The following FHIT variants were observed in gnomAD, a reference collection of about 807,000 sequenced individuals.
FHIT encodes fragile histidine triad diadenosine triphosphatase, also known as bis(5'-adenosyl)-triphosphatase.
FHIT carries 19 observed loss-of-function variants against 17.9 expected under a neutral mutation model. The ratio of observed to expected loss-of-function variants is 1.06; its 90% CI spans 0.74 to 1.56. The LOEUF (loss-of-function observed/expected upper bound fraction) is 1.56. Ranked by LOEUF, FHIT falls within the 40% of genes most tolerant of loss-of-function variation. The pLI, the probability that FHIT is intolerant of heterozygous loss-of-function variation, is 0.00. For synonymous variants in FHIT, 81 were observed against 69.7 expected (o/e 1.16, Z -0.81); for missense variants, 248 against 189.2 (o/e 1.31, Z -1.82).
chr3:59,817,948 G>A (rs1453230857), intron 8 of FHIT, among the ~76,000 whole-genome samples: 1 of 152,066 alleles, frequency 6.6e-6, no homozygotes, highest in African/African-American at 2.4e-5. Flanking sequence ...AAGGACGAGA[G>A]GCTGGGGGGA....
At chr3:60,559,232 G>A (rs1559539078) in intron 4 of FHIT, among the ~76,000 whole-genome samples, 1 of 152,238 alleles carries the variant, frequency 6.6e-6, no homozygotes, top group African/African-American at 2.4e-5. Context: ...ATTAATATAA[G>A]ACAAAATAAA....
At chr3:61,068,469 A>G (rs1335946625) in intron 2 of FHIT, among the ~76,000 whole-genome samples, 1 of 152,108 alleles carries the variant, frequency 6.6e-6, no homozygotes, top group Non-Finnish European at 1.5e-5. Context: ...CTATCGCCAT[A>G]TCTTTCTGAT....
intron 5 of FHIT, among the ~76,000 whole-genome samples, chr3:60,160,247 T>G (rs1486772761): frequency 1.3e-5 from 2 of 152,048 alleles, no homozygotes; most frequent in African/African-American, 4.8e-5. Context: ...TGTTTTCCCC[T>G]AAAAATTAGA....
intron 4 of FHIT, among the ~76,000 whole-genome samples, chr3:60,652,341 C>G (rs1221501138): frequency 2.0e-4 from 31 of 152,138 alleles, no homozygotes; most frequent in Admixed American, 2.0e-3. Flanking sequence ...TAGTTCACGT[C>G]TGTAATCCCA....
At chr3:61,060,562 C>T (rs2034391352) in intron 2 of FHIT, among the ~76,000 whole-genome samples, 1 of 152,242 alleles carries the variant, frequency 6.6e-6, no homozygotes, top group South Asian at 2.1e-4. Context: ...GCCCTGTCAT[C>T]TGTGTGTACT....
chr3:60,549,050 T>G (rs762001980), intron 4 of FHIT, among the ~76,000 whole-genome samples: 3 of 152,178 alleles, frequency 2.0e-5, no homozygotes, highest in African/African-American at 4.8e-5. Context: ...ACTTAAATAT[T>G]TGATAAGTGC....
At chr3:61,029,531 G>C (rs1201495822) in intron 3 of FHIT, among the ~76,000 whole-genome samples, 1 of 152,100 alleles carries the variant, frequency 6.6e-6, no homozygotes, top group African/African-American at 2.4e-5. Context: ...CTTTGTGAGG[G>C]ACACATCTTC....
At chr3:60,982,468 A>G (rs1212326029) in intron 3 of FHIT, among the ~76,000 whole-genome samples, 1 of 152,256 alleles carries the variant, frequency 6.6e-6, no homozygotes, top group Non-Finnish European at 1.5e-5. Flanking sequence ...GAATATTGCC[A>G]GTCAATAGTA....
chr3:60,845,848 G>A (rs1025059652), intron 3 of FHIT, among the ~76,000 whole-genome samples: 2 of 152,272 alleles, frequency 1.3e-5, no homozygotes, highest in South Asian at 2.1e-4. Context: ...AAATTTATAT[G>A]AAAACATTGG....
chr3:60,500,323 T>C (rs1350530470), intron 5 of FHIT, among the ~76,000 whole-genome samples: 4 of 150,494 alleles, frequency 2.7e-5, no homozygotes, highest in Non-Finnish European at 5.9e-5. Flanking sequence ...TACTACACAG[T>C]ATATGTTCTC....
chr3:60,110,676 T>A (rs923117920), intron 5 of FHIT, among the ~76,000 whole-genome samples: 1 of 152,184 alleles, frequency 6.6e-6, no homozygotes, highest in Admixed American at 6.5e-5. Context: ...TGAAATAGAT[T>A]ATCTAAAATA....
intron 4 of FHIT, among the ~76,000 whole-genome samples, chr3:60,612,356 T>C (rs1038105006): frequency 1.3e-5 from 2 of 152,150 alleles, no homozygotes; most frequent in Non-Finnish European, 2.9e-5. Context: ...TATATATCTA[T>C]TATAGAAGCT....
At chr3:60,731,209 C>T (rs1056007573) in intron 4 of FHIT, among the ~76,000 whole-genome samples, 6 of 152,054 alleles carry the variant, frequency 3.9e-5, no homozygotes, top group Admixed American at 1.3e-4. Context: ...CTGAGTCATG[C>T]GTCATCAAAG....
At chr3:61,048,969 C>T (rs1452205803) in intron 2 of FHIT, among the ~76,000 whole-genome samples, 2 of 151,784 alleles carry the variant, frequency 1.3e-5, no homozygotes, top group Non-Finnish European at 2.9e-5. Flanking sequence ...ACACCAGGGC[C>T]TGTTGTGGGG....
At chr3:60,206,351 G>T (rs1156877097) in intron 5 of FHIT, among the ~76,000 whole-genome samples, 1 of 152,038 alleles carries the variant, frequency 6.6e-6, no homozygotes, top group South Asian at 2.1e-4. Context: ...GTTATTCTGT[G>T]TATCTGAGCT....
chr3:60,498,263 T>G (rs566147201), intron 5 of FHIT, among the ~76,000 whole-genome samples: 2 of 152,312 alleles, frequency 1.3e-5, no homozygotes, highest in East Asian at 3.9e-4. Flanking sequence ...GTGTAAAAAT[T>G]TTGTACTACC....
intron 2 of FHIT, among the ~76,000 whole-genome samples, chr3:61,193,486 T>C (rs1183275982): frequency 6.6e-6 from 1 of 152,154 alleles, no homozygotes; most frequent in Non-Finnish European, 1.5e-5. Context: ...TGGACTAAAG[T>C]TCAGGGGGCC....
intron 8 of FHIT, among the ~76,000 whole-genome samples, chr3:59,911,156 A>C (rs749805315): frequency 3.4e-4 from 51 of 152,208 alleles, no homozygotes; most frequent in Middle Eastern, 3.2e-3. Context: ...ATAAAAACTC[A>C]TTTGATGGCT....
intron 7 of FHIT, among the ~76,000 whole-genome samples, chr3:59,984,803 T>C (rs542593750): frequency 2.2e-4 from 34 of 152,198 alleles, no homozygotes; most frequent in African/African-American, 7.5e-4. Context: ...TCTTATTTAA[T>C]ACCCAGCACA....
Sources: gnomAD v4.1 joint callset for allele counts (sites outside exome capture counted in the v4.1 genomes callset) on GRCh38, gnomAD v4.1.1 for gene constraint, MANE v1.5 for transcripts, NCBI Gene and HGNC (gene_info 2026-07-23, HGNC 2026-07-21) for gene names.